PLD5: variants seen among roughly 807,000 people sequenced by gnomAD.
The protein encoded by PLD5 is phospholipase D family member 5.
A neutral mutation model predicts 61.1 loss-of-function variants in PLD5; 36 were observed. The observed-to-expected ratio is 0.59, with a 90% CI of 0.45 to 0.78. PLD5 has a LOEUF of 0.78. PLD5 is among the 30% of genes least tolerant of loss of function. The pLI is 0.00. For synonymous variants in PLD5, 243 were observed against 242.8 expected (o/e 1.00, Z -0.01); for missense variants, 515 against 644.4 (o/e 0.80, Z 2.17).
At chr1:242,506,731 G>A (rs1428446769) in intron 1 of PLD5, among the ~76,000 whole-genome samples, 1 of 152,168 alleles carries the variant, frequency 6.6e-6, no homozygotes. Flanking sequence ...AACATAAGCA[G>A]AGCTACTTTG....
At chr1:242,413,714 C>A (rs770338934) in intron 1 of PLD5, among the ~76,000 whole-genome samples, 44 of 152,224 alleles carry the variant, frequency 2.9e-4, no homozygotes, top group Middle Eastern at 3.4e-3. Context: ...GGAAGTGATA[C>A]CTCTGGATGG....
chr1:242,408,285 G>C (rs1016702827), intron 1 of PLD5, among the ~76,000 whole-genome samples: 3 of 152,222 alleles, frequency 2.0e-5, no homozygotes, highest in Non-Finnish European at 2.9e-5. Context: ...TTTCCTGGCA[G>C]AGAAAGGTGT....
chr1:242,203,236 C>T (rs1669098654), intron 5 of PLD5, among the ~76,000 whole-genome samples: 1 of 152,128 alleles, frequency 6.6e-6, no homozygotes, highest in Non-Finnish European at 1.5e-5. Flanking sequence ...TAGGATTCCT[C>T]ACTTCTGGTT....
At chr1:242,450,268 G>A (rs1481915887) in intron 1 of PLD5, among the ~76,000 whole-genome samples, 1 of 152,214 alleles carries the variant, frequency 6.6e-6, no homozygotes, top group African/African-American at 2.4e-5. Flanking sequence ...AAAAACATCT[G>A]TTGATTGCCA....
chr1:242,139,577 G>C (rs1039423074), intron 5 of PLD5, among the ~76,000 whole-genome samples: 4 of 152,092 alleles, frequency 2.6e-5, no homozygotes, highest in Non-Finnish European at 4.4e-5. Flanking sequence ...CCTTCTCACA[G>C]AACAGGGCCA....
intron 1 of PLD5, among the ~76,000 whole-genome samples, chr1:242,514,199 C>A (rs1669026587): frequency 2.0e-5 from 3 of 152,302 alleles, no homozygotes; most frequent in Admixed American, 6.5e-5. Flanking sequence ...TGTTTTTACA[C>A]CCAATTCTTC....
At chr1:242,255,962 T>C (rs1672987762) in intron 4 of PLD5, among the ~76,000 whole-genome samples, 1 of 152,278 alleles carries the variant, frequency 6.6e-6, no homozygotes, top group Non-Finnish European at 1.5e-5. Flanking sequence ...TACCAATTGT[T>C]CAATGCTTTG....
At chr1:242,154,871 C>G (rs145661248) in intron 5 of PLD5, among the ~76,000 whole-genome samples, 109 of 152,082 alleles carry the variant, frequency 7.2e-4, no homozygotes, top group Admixed American at 2.6e-3. Context: ...AAATGAGTTA[C>G]GGAGGATTCC....
At chr1:242,261,178 A>T (rs1222859172) in intron 4 of PLD5, among the ~76,000 whole-genome samples, 2 of 152,246 alleles carry the variant, frequency 1.3e-5, no homozygotes, top group Admixed American at 6.5e-5. Context: ...TGGGATAAAC[A>T]AGTAGACTGA....
chr1:242,366,354 G>A (rs1359939689), intron 1 of PLD5, among the ~76,000 whole-genome samples: 2 of 152,084 alleles, frequency 1.3e-5, no homozygotes, highest in Non-Finnish European at 2.9e-5. Context: ...GCCTTTAAGT[G>A]AGAGATCTAT....
In PLD5 at chr1:242,115,664, A is replaced by AAAAAAAAAAATCG. The variant is rs770237708; in HGVS notation, c.934-1639_934-1638insCGATTTTTTTTTT. 6.6e-5 allele frequency among the ~76,000 whole-genome samples: 10 copies of AAAAAAAAAAATCG among 151,410 alleles called. No individual in the cohort carries two copies. The South Asian group carries it at 1.0e-3, about 16-fold the overall frequency. On this transcript the variant is annotated intron_variant, in intron 6 of 9. Coordinates refer to ENST00000536534, the MANE Select transcript of PLD5 (RefSeq NM_001372062.1). ...GTTTCAAACTCAAAATCTAAAAAAA[A>AAAAAAAAAAATCG]AAAAATCTTGGAGTTTTTTTCTTTT...
rs762589861 is a variant in PLD5, at chr1:242,265,411, G to A, written c.533C>T (p.Ser178Leu). 1.4e-5 allele frequency: 23 copies of A among 1,611,802 alleles called. No homozygotes were observed. The highest frequency in any genetic ancestry group is 8.8e-5 in the South Asian group (8 of 90,506). The change falls in exon 4 of 10, where the codon TCG becomes TTG. Residue 178 changes from serine (S) to leucine (L), a missense_variant. By Grantham distance (145) the Ser-to-Leu change is moderately radical (BLOSUM62 -2). Coordinates refer to ENST00000536534, the MANE Select transcript of PLD5 (RefSeq NM_001372062.1). Reference protein sequence around the residue: ...RLFEKLLQLTSQNIEIKLVSD... With the variant: ...RLFEKLLQLTLQNIEIKLVSD... ...CACTAGCTTGATTTCAATATTTTGC[G>A]AAGTCAGCTGGAGCAACTTTTCAAA...
intron 1 of PLD5, among the ~76,000 whole-genome samples, chr1:242,520,099 T>G (rs757355003): frequency 1.3e-5 from 2 of 152,240 alleles, no homozygotes; most frequent in Non-Finnish European, 2.9e-5. Context: ...GAAGTGAGCC[T>G]TGACCATGAA....
At position 242,408,454 on chromosome 1, in the gene PLD5, G is replaced by A. The variant is rs968022978; in HGVS notation, c.190-60212C>T. Among the ~76,000 whole-genome samples the A allele has an allele frequency of 3.3e-5, 5 of 152,290 alleles. No homozygotes were observed. In the South Asian group the frequency reaches 6.2e-4, roughly 19 times the overall value. ...TCATGGAACTGATCTCTCATGAATG[G>A]TTTAGCACCATCCTGTTGGTGATGA... On this transcript the variant is annotated intron_variant, in intron 1 of 9. Coordinates refer to ENST00000536534, the MANE Select transcript of PLD5 (RefSeq NM_001372062.1).
intron 1 of PLD5, among the ~76,000 whole-genome samples, chr1:242,523,410 G>C (rs1669341503): frequency 6.6e-6 from 1 of 151,740 alleles, no homozygotes; most frequent in Non-Finnish European, 1.5e-5. Context: ...CACTTCGCGT[G>C]AAGTCGGCAC....
intron 4 of PLD5, among the ~76,000 whole-genome samples, chr1:242,224,031 G>T (rs920905117): frequency 6.6e-6 from 1 of 152,070 alleles, no homozygotes; most frequent in African/African-American, 2.4e-5. Flanking sequence ...GGAAGCGATG[G>T]TTAAAATATA....
At chr1:242,294,672 G>A (rs928165535) in intron 2 of PLD5, among the ~76,000 whole-genome samples, 7 of 152,092 alleles carry the variant, frequency 4.6e-5, no homozygotes, top group South Asian at 4.1e-4. Flanking sequence ...TCCCACTTCT[G>A]AGCAGAAAAA....
chr1:242,361,007 G>A (rs1189438792), intron 1 of PLD5, among the ~76,000 whole-genome samples: 2 of 151,804 alleles, frequency 1.3e-5, no homozygotes, highest in Non-Finnish European at 2.9e-5. Flanking sequence ...GTACATAGTG[G>A]GCATTCAATG....
Position 242,502,229 on chromosome 1 carries a change from G to A in PLD5, c.189+21859C>T, listed in dbSNP as rs186451190. Among the ~76,000 whole-genome samples the A allele has an allele frequency of 1.6e-3, 241 of 152,150 alleles. 1 individual carries two copies. The highest frequency in any genetic ancestry group is 5.0e-3 in the African/African-American group (209 of 41,502). ...CATATTTAAAACATAAGTCATCACC[G>A]TGCCCCTCAAACTCTGTGCTTGCCC... On this transcript the variant is annotated intron_variant, in intron 1 of 9. Transcript: ENST00000536534.
Sources: gnomAD v4.1 joint callset for allele counts (sites outside exome capture counted in the v4.1 genomes callset) on GRCh38, gnomAD v4.1.1 for gene constraint, MANE v1.5 for transcripts, NCBI Gene and HGNC (gene_info 2026-07-23, HGNC 2026-07-21) for gene names.